Variants in USP28 observed in about 807,000 individuals in gnomAD.
USP28 encodes ubiquitin carboxyl-terminal hydrolase 28.
USP28 carries 113 observed loss-of-function variants against 145.0 expected under a neutral mutation model. That is an observed-to-expected ratio of 0.78 (90% CI 0.67 to 0.91). The LOEUF (loss-of-function observed/expected upper bound fraction) is 0.91. Among genes scored for constraint, USP28 ranks in the 40% least tolerant of loss-of-function variants. The pLI, the probability that USP28 is intolerant of heterozygous loss-of-function variation, is 0.00. For synonymous variants in USP28, 447 were observed against 450.9 expected (o/e 0.99, Z 0.11); for missense variants, 1,201 against 1,289.6 (o/e 0.93, Z 1.05).
At chr11:113,836,543 T>G (rs1944589401) in intron 5 of USP28, among the ~76,000 whole-genome samples, 1 of 152,054 alleles carries the variant, frequency 6.6e-6, no homozygotes, top group South Asian at 2.1e-4. Context: ...CTTTCCTCAC[T>G]CTCCCAAGTC....
rs1949168498 is a variant in USP28 at position 113,874,449 on chromosome 11, A to AAAAAT, written c.57+995_57+996insATTTT. 9 of 856,378 alleles carry AAAAAT rather than the reference A, an allele frequency of 1.1e-5. No individual in the cohort carries two copies. The Admixed American group carries it at 1.2e-4, about 11-fold the overall frequency. The allele number at this position is 856,378 out of a possible 1,614,324, so 53.0% of individuals were successfully genotyped here. On this transcript the variant is annotated intron_variant, in intron 1 of 24. Transcript: ENST00000003302. Reference sequence around the variant, plus strand: ...AAAAAAAAAAAAAAAAAAAAAAAAAAGTGTCTCCATGCTAAATACTACTGG... The same window carrying AAAAAT: ...AAAAAAAAAAAAAAAAAAAAAAAAAAAAAATGTGTCTCCATGCTAAATACTACTGG...
intron 12 of USP28, among the ~76,000 whole-genome samples, chr11:113,819,916 AC>A (rs1010691534): frequency 6.6e-6 from 1 of 152,140 alleles, no homozygotes; most frequent in African/African-American, 2.4e-5. Flanking sequence ...ACGGGGTTTC[AC>A]CATGTTGGTC....
At chr11:113,811,549 A>C (rs1213651729) in intron 16 of USP28, among the ~76,000 whole-genome samples, 1 of 152,148 alleles carries the variant, frequency 6.6e-6, no homozygotes, top group Non-Finnish European at 1.5e-5. Flanking sequence ...TCAGCTGGGC[A>C]TGGTGGTGGG....
At chr11:113,873,705 T>C (rs1396766569) in intron 1 of USP28, among the ~76,000 whole-genome samples, 1 of 152,204 alleles carries the variant, frequency 6.6e-6, no homozygotes, top group Non-Finnish European at 1.5e-5. Context: ...CAAATAGAAC[T>C]GACCTCTGAA....
intron 12 of USP28, 95 bp from the exon 13 acceptor site, chr11:113,817,932 G>A (rs961315102): frequency 2.3e-6 from 3 of 1,328,682 alleles, no homozygotes; most frequent in Non-Finnish European, 3.2e-6. Context: ...CAAGTCAATG[G>A]AAAGGCTTAT....
intron 11 of USP28, among the ~76,000 whole-genome samples, chr11:113,826,017 G>A (rs967095671): frequency 2.0e-5 from 3 of 152,088 alleles, no homozygotes; most frequent in Admixed American, 6.6e-5. Flanking sequence ...AGAAGCCATG[G>A]CTCACGCCTA....
intron 17 of USP28, 74 bp from the exon 18 acceptor site, chr11:113,808,511 G>C: frequency 6.5e-7 from 1 of 1,527,700 alleles, no homozygotes; most frequent in Middle Eastern, 1.7e-4. Flanking sequence ...AAAGCAAGCA[G>C]AATGTATACA....
rs532982361 is a variant in USP28 at position 113,856,357 on chromosome 11, C to T, written c.58-2022G>A. Among the ~76,000 whole-genome samples, 4 of 152,164 alleles carry T rather than the reference C, an allele frequency of 2.6e-5. No homozygotes were observed. The East Asian group carries it at 7.7e-4, about 29-fold the overall frequency. Reference sequence around the variant, plus strand: ...TCAAGAAGGTAACAATGGGATAATCCCATCTTCATTGGGAATTATTCTGTA... The same window carrying T: ...TCAAGAAGGTAACAATGGGATAATCTCATCTTCATTGGGAATTATTCTGTA... On this transcript the variant is annotated intron_variant, in intron 1 of 24. Coordinates refer to ENST00000003302, the Ensembl canonical transcript of USP28.
intron 5 of USP28, among the ~76,000 whole-genome samples, chr11:113,836,702 C>G (rs1272322817): frequency 6.6e-6 from 1 of 152,194 alleles, no homozygotes. Context: ...TCATGGATGA[C>G]AGCCATGGGT....
chr11:113,838,039 T>A (rs1944764751), intron 5 of USP28, among the ~76,000 whole-genome samples: 1 of 152,182 alleles, frequency 6.6e-6, no homozygotes, highest in South Asian at 2.1e-4. Context: ...AATTTGCAGT[T>A]ATCATTTCTT....
rs1271538957 is a variant in USP28 at position 113,834,467 on chromosome 11, T to C, written c.535-132A>G. ...ACTATCAACCTGGCAATTTGACTTATGTTATTTCTAAGGAAATAATGGTTG... is the reference window on the plus strand; with the variant it reads ...ACTATCAACCTGGCAATTTGACTTACGTTATTTCTAAGGAAATAATGGTTG... On this transcript the variant is annotated intron_variant, in intron 5 of 24. Transcript: ENST00000003302. The C allele has an allele frequency of 8.5e-6, 5 of 588,410 alleles. No homozygotes were observed. In the African/African-American group the frequency reaches 9.5e-5, roughly 11 times the overall value. The allele number at this position is 588,410 out of a possible 1,614,324, so 36.4% of individuals were successfully genotyped here.
At chr11:113,863,778 T>C (rs1334830421) in intron 1 of USP28, among the ~76,000 whole-genome samples, 5 of 146,984 alleles carry the variant, frequency 3.4e-5, no homozygotes, top group Admixed American at 6.8e-5. Flanking sequence ...ACCCTGTCTC[T>C]ACTAAAAATA....
chr11:113,826,790 A>C (rs1943404643), intron 11 of USP28, among the ~76,000 whole-genome samples: 1 of 151,562 alleles, frequency 6.6e-6, no homozygotes, highest in Non-Finnish European at 1.5e-5. Context: ...GTGGTGGTGC[A>C]TGCCTGTAAT....
intron 21 of USP28, among the ~76,000 whole-genome samples, 163 bp from the exon 23 acceptor site, chr11:113,804,040 A>C (rs1939513114): frequency 6.6e-6 from 1 of 152,250 alleles, no homozygotes; most frequent in Admixed American, 6.5e-5. Flanking sequence ...AACATTTAAA[A>C]TAAAAGTCTA....
intron 3 of USP28, 35 bp from the exon 4 acceptor site, chr11:113,841,803 A>G (rs1462421493): frequency 1.4e-6 from 2 of 1,445,460 alleles, no homozygotes; most frequent in Admixed American, 1.9e-5. Context: ...TAGTCTATAT[A>G]TAGGAAACAC....
intron 1 of USP28, among the ~76,000 whole-genome samples, chr11:113,855,410 A>G (rs573382037): frequency 3.3e-5 from 5 of 152,242 alleles, no homozygotes; most frequent in Non-Finnish European, 5.9e-5. Flanking sequence ...GTTGAAAACA[A>G]AGTAGTTCGA....
intron 12 of USP28, among the ~76,000 whole-genome samples, chr11:113,819,040 T>C (rs1054270885): frequency 3.9e-5 from 6 of 151,924 alleles, no homozygotes. Context: ...ATGTCTATAC[T>C]ATACACAAGA....
chr11:113,840,900 T>C, intron 4 of USP28, 143 bp from the exon 5 acceptor site: 1 of 1,036,712 alleles, frequency 9.6e-7, no homozygotes, highest in Non-Finnish European at 1.3e-6. Flanking sequence ...TATAAGGAAC[T>C]GTAAGACTGT....
intron 10 of USP28, 98 bp from the exon 11 acceptor site, chr11:113,827,458 G>T: frequency 7.7e-7 from 1 of 1,306,634 alleles, no homozygotes. Flanking sequence ...TTCTTCCTTT[G>T]GTATAGAACT....
Sources: allele counts gnomAD v4.1 joint callset (sites outside exome capture counted in the v4.1 genomes callset), GRCh38; gene constraint gnomAD v4.1.1; transcripts MANE v1.5; gene names NCBI Gene and HGNC (gene_info 2026-07-23, HGNC 2026-07-21).